PCDHA10: variants seen among roughly 807,000 people sequenced by gnomAD.
The protein encoded by PCDHA10 is protocadherin alpha-10.
In PCDHA10, 45 loss-of-function variants were observed where a neutral mutation model predicts 61.2. The ratio of observed to expected loss-of-function variants is 0.74; its 90% CI spans 0.58 to 0.94. PCDHA10 has a LOEUF of 0.94. PCDHA10 is among the 40% of genes least tolerant of loss of function. The probability of loss-of-function intolerance (pLI) is 0.00; values close to 1 mark genes in which losing one functional copy is unlikely to be tolerated. For synonymous variants in PCDHA10, 602 were observed against 548.8 expected (o/e 1.10, Z -1.35); for missense variants, 1,278 against 1,236.2 (o/e 1.03, Z -0.51).
At chr5:140,883,217 G>A (rs868963567) in intron 1 of PCDHA10, 1 of 1,613,990 alleles carries the variant, frequency 6.2e-7, no homozygotes, top group Non-Finnish European at 8.5e-7. Context: ...GAAATTATAT[G>A]AAATATCCGT....
intron 1 of PCDHA10, among the ~76,000 whole-genome samples, chr5:140,921,041 G>A (rs902181810): frequency 1.3e-5 from 2 of 151,820 alleles, no homozygotes; most frequent in Non-Finnish European, 2.9e-5. Flanking sequence ...GTGCAGTGGG[G>A]CAATCATAGC....
At chr5:140,914,578 A>T (rs1858296) in intron 1 of PCDHA10, among the ~76,000 whole-genome samples, 49,681 of 151,930 alleles carry the variant, frequency 0.33, 8,403 homozygotes, top group East Asian at 0.53. Flanking sequence ...ACATTCAATA[A>T]TTTCATTTAA....
chr5:140,981,969 T>C (rs1438723039), intron 2 of PCDHA10, among the ~76,000 whole-genome samples: 1 of 152,146 alleles, frequency 6.6e-6, no homozygotes, highest in African/African-American at 2.4e-5. Context: ...ATAAAAGATA[T>C]AGAAAGAGTA....
chr5:140,919,505 CTA>C (rs2079156587), intron 1 of PCDHA10, among the ~76,000 whole-genome samples: 3 of 152,008 alleles, frequency 2.0e-5, no homozygotes, highest in Admixed American at 6.6e-5. Context: ...ACTCCTTTTT[CTA>C]TATGTTTTAA....
rs2098415868 is a variant in PCDHA10 at position 141,010,044 on chromosome 5, G to A, written c.*107G>A. On this transcript the variant is annotated 3_prime_UTR_variant, in exon 4 of 4. Coordinates refer to ENST00000307360, the MANE Select transcript of PCDHA10 (RefSeq NM_018901.4). ...TTTCCTATCTACATGAGCCCTCTTA[G>A]AGACCTCAGAAATCTGCAGAAAGTT... 6.3e-7 allele frequency: 1 copy of A among 1,594,604 alleles called. No individual in the cohort carries two copies. The highest frequency in any genetic ancestry group is 8.5e-7 in the Non-Finnish European group (1 of 1,171,226).
At chr5:140,876,433 A>G (rs1562712994) in intron 1 of PCDHA10, 19 of 1,614,000 alleles carry the variant, frequency 1.2e-5, no homozygotes, top group Non-Finnish European at 1.6e-5. Flanking sequence ...AATTCAGGTT[A>G]ACGCCATTGA....
chr5:140,990,605 A>T (rs1234326404), intron 3 of PCDHA10, among the ~76,000 whole-genome samples: 4 of 152,214 alleles, frequency 2.6e-5, no homozygotes, highest in Non-Finnish European at 4.4e-5. Flanking sequence ...GAGTCAGATG[A>T]ATACCGTAAA....
intron 1 of PCDHA10, among the ~76,000 whole-genome samples, chr5:140,919,978 A>C (rs993704497): frequency 7.5e-6 from 1 of 134,032 alleles, no homozygotes; most frequent in Non-Finnish European, 1.7e-5. Flanking sequence ...AAGAGATAGA[A>C]GATGGAAAAC....
chr5:140,969,464 C>A, intron 1 of PCDHA10: 1 of 1,491,558 alleles, frequency 6.7e-7, no homozygotes. Flanking sequence ...ATATAGTATC[C>A]ACAATTTGAT....
intron 1 of PCDHA10, chr5:140,929,053 T>C (rs781847457): frequency 6.2e-7 from 1 of 1,614,182 alleles, no homozygotes; most frequent in Non-Finnish European, 8.5e-7. Flanking sequence ...CTGCTGTCGC[T>C]CTACAGAGGA....
At chr5:140,956,281 G>A (rs551518322) in intron 1 of PCDHA10, among the ~76,000 whole-genome samples, 14 of 152,008 alleles carry the variant, frequency 9.2e-5, no homozygotes, top group Admixed American at 2.0e-4. Flanking sequence ...ATTGGCTGTG[G>A]GTTTATCATA....
At chr5:140,912,674 A>G (rs184432134) in intron 1 of PCDHA10, among the ~76,000 whole-genome samples, 14 of 152,238 alleles carry the variant, frequency 9.2e-5, no homozygotes, top group Admixed American at 7.2e-4. Flanking sequence ...GGCATCCTTG[A>G]CTTATTCCAG....
intron 1 of PCDHA10, among the ~76,000 whole-genome samples, chr5:140,900,093 C>T (rs559553399): frequency 1.6e-4 from 24 of 152,202 alleles, no homozygotes; most frequent in Middle Eastern, 3.4e-3. Flanking sequence ...TACAAGCATG[C>T]GCCACCATAC....
At chr5:140,877,163 C>T (rs782243946) in intron 1 of PCDHA10, 3 of 1,613,816 alleles carry the variant, frequency 1.9e-6, no homozygotes, top group Non-Finnish European at 2.5e-6. Context: ...AACGCGCCGG[C>T]ACTGCTGGCG....
chr5:140,928,605 C>T, intron 1 of PCDHA10: 1 of 1,614,208 alleles, frequency 6.2e-7, no homozygotes, highest in South Asian at 1.1e-5. Flanking sequence ...AAATTGTGCC[C>T]CGCTCTGCCA....
chr5:140,896,594 C>G (rs1583238277), intron 1 of PCDHA10, among the ~76,000 whole-genome samples: 1 of 150,950 alleles, frequency 6.6e-6, no homozygotes, highest in Non-Finnish European at 1.5e-5. Flanking sequence ...CCAGGCTGGT[C>G]TCGAACTCCT....
chr5:140,923,305 G>A (rs552769255), intron 1 of PCDHA10, among the ~76,000 whole-genome samples: 3 of 152,304 alleles, frequency 2.0e-5, no homozygotes, highest in South Asian at 2.1e-4. Context: ...GGGCGTGGGG[G>A]CGCTTGGCCT....
intron 1 of PCDHA10, among the ~76,000 whole-genome samples, chr5:140,934,422 A>G (rs2089824417): frequency 1.3e-5 from 2 of 152,176 alleles, no homozygotes; most frequent in South Asian, 2.1e-4. Flanking sequence ...TGCATTATCA[A>G]TGCAAGTGTA....
intron 1 of PCDHA10, among the ~76,000 whole-genome samples, chr5:140,938,097 A>AT (rs775272450): frequency 6.6e-6 from 1 of 151,930 alleles, no homozygotes; most frequent in Non-Finnish European, 1.5e-5. Flanking sequence ...TTATTATTGT[A>AT]TTTTTTACTT....
Sources: gnomAD v4.1 joint callset for allele counts (sites outside exome capture counted in the v4.1 genomes callset) on GRCh38, gnomAD v4.1.1 for gene constraint, MANE v1.5 for transcripts, NCBI Gene and HGNC (gene_info 2026-07-23, HGNC 2026-07-21) for gene names.